The following TRIM32 variants were observed in gnomAD, a reference collection of about 807,000 sequenced individuals.
TRIM32 encodes tripartite motif containing 32, also known as E3 ubiquitin-protein ligase TRIM32.
A neutral mutation model predicts 36.0 loss-of-function variants in TRIM32; 19 were observed. That is an observed-to-expected ratio of 0.53 (90% CI 0.37 to 0.77). TRIM32 has a LOEUF of 0.77. Ranked by LOEUF, TRIM32 falls within the 30% of genes least tolerant of loss-of-function variation. The pLI, the probability that TRIM32 is intolerant of heterozygous loss-of-function variation, is 0.00. For synonymous variants in TRIM32, 309 were observed against 318.5 expected, an observed-to-expected ratio of 0.97 and a Z score of 0.32; for missense variants, 747 against 845.2, an observed-to-expected ratio of 0.88 and a Z score of 1.44.
At chr9:116,693,114 G>A (rs188598117) in intron 1 of TRIM32, among the ~76,000 whole-genome samples, 40 of 152,200 alleles carry the variant, frequency 2.6e-4, no homozygotes, top group Non-Finnish European at 5.4e-4. Flanking sequence ...ATTAATACTA[G>A]TACTAGTTAT....
chr9:116,698,565 C>G lies in TRIM32; in HGVS notation c.823C>G (p.Leu275Val), dbSNP rs555915611. The G allele has an allele frequency of 6.2e-7, 1 of 1,613,892 alleles. No individual in the cohort carries two copies. Among genetic ancestry groups the G allele is most frequent in the East Asian group, 2.2e-5 (1 of 44,894 alleles). Residue 275 changes from leucine to valine, a missense_variant, in exon 2 of 2, where the codon CTG becomes GTG. Transcript: ENST00000450136. The surrounding 1 kb of genome is among the most constrained non-coding windows in gnomAD (Gnocchi z 4.4). Reference protein sequence around the residue: ...LTASLPRELTLQDVELLKVGH... With the variant: ...LTASLPRELTVQDVELLKVGH... ...TGCCAGCTTGCCTCGGGAGCTCACC[C>G]TGCAAGATGTGGAGCTCCTTAAGGT...
intron 1 of TRIM32, among the ~76,000 whole-genome samples, chr9:116,688,246 T>C (rs1454476304): frequency 6.6e-6 from 1 of 151,750 alleles, no homozygotes; most frequent in Non-Finnish European, 1.5e-5. Context: ...AGATTGGAAT[T>C]TGGAATTGTA....
At chr9:116,695,170 T>G (rs1276859281) in intron 1 of TRIM32, among the ~76,000 whole-genome samples, 1 of 152,208 alleles carries the variant, frequency 6.6e-6, no homozygotes, top group African/African-American at 2.4e-5. Flanking sequence ...TATCTGTACT[T>G]CAAGGTTCCA....
rs1480373714 is a variant in TRIM32 at position 116,699,498 on chromosome 9, CGTG to C, written c.1760_1762del (p.Gly587del). ...CATTGCTGGCATGTGTGTGGATGCT[CGTG>C]GTGATCTCATCGTGGCTGACAGTAG... On this transcript the variant is annotated inframe_deletion, in exon 2 of 2. Coordinates refer to ENST00000450136, the MANE Select transcript of TRIM32 (RefSeq NM_012210.4). The surrounding 1 kb of genome is among the most constrained non-coding windows in gnomAD (Gnocchi z 4.2). The C allele has an allele frequency of 7.4e-6, 12 of 1,613,634 alleles. No homozygotes were observed. Among genetic ancestry groups the C allele is most frequent in the South Asian group, 4.4e-5 (4 of 91,034 alleles).
rs1052612493 is a variant in TRIM32, at chr9:116,698,044, GGTC to G, written c.303_305del (p.Ser102del). ...GAGGCTGTGGGGCTGCTCATGTGTC[GGTC>G]CTGTGGGCGGCGTCTGCCCCGGCAA... On this transcript the variant is annotated inframe_deletion, in exon 2 of 2. Transcript: ENST00000450136. This position sits in a 1 kb window ranked among gnomAD's most constrained non-coding sequence, Gnocchi z 4.4. The G allele has an allele frequency of 6.2e-7, 1 of 1,613,858 alleles. No homozygotes were observed. The highest frequency in any genetic ancestry group is 8.5e-7 in the Non-Finnish European group (1 of 1,180,046).
chr9:116,687,367 G>T lies in TRIM32; in HGVS notation c.-96G>T. The T allele has an allele frequency of 1.8e-6, 1 of 544,096 alleles. No individual in the cohort carries two copies. The highest frequency in any genetic ancestry group is 2.3e-6 in the Non-Finnish European group (1 of 427,644). The allele number at this position is 544,096 out of a possible 1,614,324, so 33.7% of individuals were successfully genotyped here. Reference sequence around the variant, plus strand: ...GGCTGCCGGCGGTGGACTCGTCGGAGCCGCGGGCGGTCAGGTAGGGGGCGG... The same window carrying T: ...GGCTGCCGGCGGTGGACTCGTCGGATCCGCGGGCGGTCAGGTAGGGGGCGG... On this transcript the variant is annotated 5_prime_UTR_variant, in exon 1 of 2. Coordinates refer to ENST00000450136, the MANE Select transcript of TRIM32 (RefSeq NM_012210.4).
intron 1 of TRIM32, among the ~76,000 whole-genome samples, chr9:116,697,180 T>G (rs1345080785): frequency 6.6e-6 from 1 of 152,196 alleles, no homozygotes; most frequent in Non-Finnish European, 1.5e-5. Context: ...TGCATAATTC[T>G]CCTGTGCTTT....
chr9:116,692,499 A>T (rs1860621772), intron 1 of TRIM32, among the ~76,000 whole-genome samples: 1 of 152,222 alleles, frequency 6.6e-6, no homozygotes, highest in Admixed American at 6.5e-5. Context: ...CTTTGCAATA[A>T]CTTTGTGAGG....
At position 116,699,606 on chromosome 9, in the gene TRIM32, A is replaced by G. The variant is rs1366193406; in HGVS notation, c.1864A>G (p.Ile622Val). ...AGAGGGACTTACCTGTCCGGTGGGC[A>G]TAGCCCTAACTCCTAAGGGGCAGCT... is the stretch of plus-strand genomic sequence containing the variant. ...IREGLTCPVG[I>V]ALTPKGQLLV... Residue 622 changes from isoleucine to valine, a missense_variant, in exon 2 of 2, where the codon ATA (isoleucine) becomes GTA (valine). Ile to Val is a conservative substitution (Grantham distance 29). Coordinates refer to ENST00000450136, the MANE Select transcript of TRIM32 (RefSeq NM_012210.4). The surrounding 1 kb of genome is among the most constrained non-coding windows in gnomAD (Gnocchi z 4.2). The G allele has an allele frequency of 1.2e-6, 2 of 1,614,200 alleles. No individual in the cohort carries two copies.
chr9:116,698,337 C>G lies in TRIM32; in HGVS notation c.595C>G (p.Leu199Val). The change falls in exon 2 of 2, where the codon CTG becomes GTG. Residue 199 changes from leucine (L) to valine (V), a missense_variant. Transcript: ENST00000450136. This position sits in a 1 kb window ranked among gnomAD's most constrained non-coding sequence, Gnocchi z 4.4. The part of the protein sequence containing the change: ...GHEERRVQDE[L>V]ARSRKFFTGS... The stretch of plus-strand genomic sequence containing the variant: ...TGAGGAGCGCAGGGTCCAGGATGAG[C>G]TGGCTCGCTCTCGGAAGTTCTTCAC... The G allele has an allele frequency of 6.2e-7, 1 of 1,614,162 alleles. No homozygotes were observed. The highest frequency in any genetic ancestry group is 8.5e-7 in the Non-Finnish European group (1 of 1,180,040).
chr9:116,696,496 T>C (rs1446286339), intron 1 of TRIM32, among the ~76,000 whole-genome samples: 1 of 152,214 alleles, frequency 6.6e-6, no homozygotes, highest in African/African-American at 2.4e-5. Context: ...TTTTATACTT[T>C]GTTAAGGTTG....
At chr9:116,696,317 C>T (rs1415248860) in intron 1 of TRIM32, among the ~76,000 whole-genome samples, 1 of 152,138 alleles carries the variant, frequency 6.6e-6, no homozygotes, top group Non-Finnish European at 1.5e-5. Flanking sequence ...TTTTTTGGTG[C>T]AGAGCCAAAT....
In TRIM32 at chr9:116,698,648, C is replaced by T. The variant is rs575937254; in HGVS notation, c.906C>T (p.Asn302=). The change falls in exon 2 of 2, where the codon AAC becomes AAT. Residue 302 remains asparagine (N), a synonymous_variant. Coordinates refer to ENST00000450136, the MANE Select transcript of TRIM32 (RefSeq NM_012210.4). This position sits in a 1 kb window ranked among gnomAD's most constrained non-coding sequence, Gnocchi z 4.4. ...GQAVKKPRTV[N]VEDSWAMEAT... ...CTGTTAAGAAGCCCCGGACAGTTAA[C>T]GTGGAAGATTCCTGGGCCATGGAGG... 8 of 1,614,132 alleles carry T rather than the reference C, an allele frequency of 5.0e-6. No homozygotes were observed. In the East Asian group the frequency reaches 6.7e-5, roughly 13 times the overall value.
intron 1 of TRIM32, among the ~76,000 whole-genome samples, chr9:116,695,588 G>A (rs1588211666): frequency 6.6e-6 from 1 of 152,274 alleles, no homozygotes; most frequent in Admixed American, 6.5e-5. Context: ...AAAATCAAAC[G>A]AACTTGCCCT....
rs1366728602 is a variant in TRIM32, at chr9:116,698,805, T to C, written c.1063T>C (p.Cys355Arg). ...TGAGGCAGCCTCCAATATCCAGCAGTGCCTCTTTCTCAAGAAGATGGGGGC... is the reference window on the plus strand; with the variant it reads ...TGAGGCAGCCTCCAATATCCAGCAGCGCCTCTTTCTCAAGAAGATGGGGGC... ...GPEAASNIQQ[C>R]LFLKKMGAKG... Residue 355 changes from cysteine to arginine, a missense_variant, in exon 2 of 2, where the codon TGC (cysteine) becomes CGC (arginine). Coordinates refer to ENST00000450136, the MANE Select transcript of TRIM32 (RefSeq NM_012210.4). This position sits in a 1 kb window ranked among gnomAD's most constrained non-coding sequence, Gnocchi z 4.4. The C allele has an allele frequency of 6.2e-7, 1 of 1,614,078 alleles. No individual in the cohort carries two copies. The highest frequency in any genetic ancestry group is 1.3e-5 in the African/African-American group (1 of 74,922).
rs779090548 is a variant in TRIM32 at position 116,699,029 on chromosome 9, C to T, written c.1287C>T (p.Leu429=). The part of the protein sequence containing the change: ...LSFLGADLPN[L]TPLSVAMNCQ... Reference sequence around the variant, plus strand: ...TCCTTGGGGCAGATCTACCCAACCTCACTCCTCTCTCAGTGGCAATGAACT... The same window carrying T: ...TCCTTGGGGCAGATCTACCCAACCTTACTCCTCTCTCAGTGGCAATGAACT... Residue 429 remains leucine, a synonymous_variant, in exon 2 of 2, where the codon CTC becomes CTT. Transcript: ENST00000450136. The surrounding 1 kb of genome is among the most constrained non-coding windows in gnomAD (Gnocchi z 4.2). The T allele has an allele frequency of 6.2e-7, 1 of 1,614,174 alleles. No homozygotes were observed. Among genetic ancestry groups the T allele is most frequent in the South Asian group, 1.1e-5 (1 of 91,088 alleles).
At position 116,698,203 on chromosome 9, in the gene TRIM32, C is replaced by G. The variant is rs781758209; in HGVS notation, c.461C>G (p.Thr154Ser). 6.2e-7 allele frequency: 1 copy of G among 1,614,146 alleles called. No individual in the cohort carries two copies. The highest frequency in any genetic ancestry group is 2.2e-5 in the East Asian group (1 of 44,864). Residue 154 changes from threonine to serine, a missense_variant, in exon 2 of 2, where the codon ACT becomes AGT. Physicochemically the swap from Thr to Ser is moderately conservative, Grantham distance 58. Coordinates refer to ENST00000450136, the MANE Select transcript of TRIM32 (RefSeq NM_012210.4). The surrounding 1 kb of genome is among the most constrained non-coding windows in gnomAD (Gnocchi z 4.4). ...ERRRDFGEKLTRLRELMGELQ... is the reference protein window; with the variant it reads ...ERRRDFGEKLSRLRELMGELQ... ...CGTCGGGACTTTGGAGAGAAGTTAA[C>G]TCGTCTGCGGGAACTTATGGGGGAG...
Position 116,698,880 on chromosome 9 carries a change from A to G in TRIM32, c.1138A>G (p.Thr380Ala), listed in dbSNP as rs1861026859. 6.2e-7 allele frequency: 1 copy of G among 1,614,212 alleles called. No homozygotes were observed. The highest frequency in any genetic ancestry group is 1.3e-5 in the African/African-American group (1 of 75,060). Reference protein sequence around the residue: ...MFNLPVSLYVTSQGEVLVADR... With the variant: ...MFNLPVSLYVASQGEVLVADR... ...CAATCTTCCAGTCAGTCTCTACGTG[A>G]CCAGTCAAGGTGAAGTACTAGTCGC... The change falls in exon 2 of 2, where the codon ACC becomes GCC. Residue 380 changes from threonine (T) to alanine (A), a missense_variant. Coordinates refer to ENST00000450136, the MANE Select transcript of TRIM32 (RefSeq NM_012210.4). The surrounding 1 kb of genome is among the most constrained non-coding windows in gnomAD (Gnocchi z 4.4).
chr9:116,689,325 A>G (rs577002302), intron 1 of TRIM32, among the ~76,000 whole-genome samples: 84 of 152,350 alleles, frequency 5.5e-4, no homozygotes, highest in African/African-American at 1.9e-3. Context: ...TATGATAACA[A>G]GACCAATGTC....
Sources: allele counts gnomAD v4.1 joint callset (sites outside exome capture counted in the v4.1 genomes callset), GRCh38; gene constraint gnomAD v4.1.1; non-coding constraint Gnocchi (gnomAD v3.1); transcripts MANE v1.5; gene names NCBI Gene and HGNC (gene_info 2026-07-23, HGNC 2026-07-21).